Variants in NOS1AP observed in about 807,000 individuals in gnomAD.
The protein encoded by NOS1AP is carboxyl-terminal PDZ ligand of neuronal nitric oxide synthase protein.
Under a neutral mutation model 56.2 loss-of-function variants are expected in NOS1AP, and 21 were observed. The observed-to-expected ratio is 0.37, with a 90% confidence interval of 0.26 to 0.54. The LOEUF is 0.54. Ranked by LOEUF, NOS1AP falls within the 20% of genes least tolerant of loss-of-function variation. The probability of loss-of-function intolerance (pLI) is 0.84; values close to 1 mark genes in which losing one functional copy is unlikely to be tolerated. For missense variants in NOS1AP, 522 were observed against 657.8 expected (o/e 0.79, Z 2.26); for synonymous variants, 270 against 274.6 (o/e 0.98, Z 0.17).
rs112878525 is a variant in NOS1AP, at chr1:162,183,892, G to A, written c.177+29416G>A. Among the ~76,000 whole-genome samples the A allele has an allele frequency of 1.7e-3, 260 of 152,292 alleles. 1 individual carries two copies. The highest frequency in any genetic ancestry group is 6.1e-3 in the African/African-American group (254 of 41,564). Reference sequence around the variant, plus strand: ...TGCTTTGCTTTCTTATTATGCATGTGTTCACTGGAGTAGCACTTTTAATCT... The same window carrying A: ...TGCTTTGCTTTCTTATTATGCATGTATTCACTGGAGTAGCACTTTTAATCT... On this transcript the variant is annotated intron_variant, in intron 2 of 9. Transcript: ENST00000361897.
chr1:162,135,029 A>G (rs1348942601), intron 1 of NOS1AP, among the ~76,000 whole-genome samples: 1 of 152,068 alleles, frequency 6.6e-6, no homozygotes, highest in Non-Finnish European at 1.5e-5. Flanking sequence ...TATCCAACCA[A>G]CTATTTATCC....
At chr1:162,352,619 A>G (rs73029295) in intron 6 of NOS1AP, among the ~76,000 whole-genome samples, 5,598 of 152,174 alleles carry the variant, frequency 0.037, 332 homozygotes, top group African/African-American at 0.13. Context: ...GTGCCAGCCA[A>G]TTTGGTTCCT....
chr1:162,361,202 G>A (rs983849482), intron 8 of NOS1AP, among the ~76,000 whole-genome samples: 2 of 152,094 alleles, frequency 1.3e-5, no homozygotes, highest in South Asian at 4.1e-4. Flanking sequence ...ACACTAATTT[G>A]TACCTTTCCA....
intron 3 of NOS1AP, among the ~76,000 whole-genome samples, chr1:162,293,275 A>G (rs944131174): frequency 2.6e-5 from 4 of 151,820 alleles, no homozygotes; most frequent in African/African-American, 7.2e-5. Context: ...ATAATGCTGC[A>G]TGAATAATGG....
intron 2 of NOS1AP, among the ~76,000 whole-genome samples, chr1:162,286,498 C>A (rs1655092032): frequency 6.6e-6 from 1 of 152,152 alleles, no homozygotes; most frequent in South Asian, 2.1e-4. Flanking sequence ...AAATGAAGTT[C>A]ACTGAGGAAA....
At chr1:162,178,047 T>C (rs1038951234) in intron 2 of NOS1AP, among the ~76,000 whole-genome samples, 1 of 152,262 alleles carries the variant, frequency 6.6e-6, no homozygotes, top group Non-Finnish European at 1.5e-5. Flanking sequence ...CTTTTTACTG[T>C]CTATAATTTT....
chr1:162,201,907 T>G, intron 2 of NOS1AP, among the ~76,000 whole-genome samples: 1 of 152,250 alleles, frequency 6.6e-6, no homozygotes, highest in East Asian at 1.9e-4. Context: ...GTTGTCTGTT[T>G]ACTTTGTTGA....
chr1:162,346,062 G>A (rs937450699), intron 6 of NOS1AP, among the ~76,000 whole-genome samples: 1 of 152,210 alleles, frequency 6.6e-6, no homozygotes, highest in Non-Finnish European at 1.5e-5. Flanking sequence ...AAACCCAGAT[G>A]TGTTTGCAAA....
chr1:162,286,558 T>C (rs1655096119), intron 2 of NOS1AP, among the ~76,000 whole-genome samples: 1 of 152,164 alleles, frequency 6.6e-6, no homozygotes, highest in African/African-American at 2.4e-5. Flanking sequence ...TGTTAAGAGA[T>C]GGCTATGAAT....
chr1:162,355,597 C>T (rs1430944034), intron 7 of NOS1AP, among the ~76,000 whole-genome samples: 1 of 152,144 alleles, frequency 6.6e-6, no homozygotes, highest in African/African-American at 2.4e-5. Flanking sequence ...CAAATCCCAC[C>T]AATATTTGGT....
At chr1:162,172,985 A>T (rs139730006) in intron 2 of NOS1AP, among the ~76,000 whole-genome samples, 7 of 151,366 alleles carry the variant, frequency 4.6e-5, no homozygotes, top group African/African-American at 1.5e-4. Flanking sequence ...GTAGTGGCGC[A>T]ATCTTGGCTC....
intron 2 of NOS1AP, among the ~76,000 whole-genome samples, chr1:162,201,435 A>G (rs886473401): frequency 2.6e-5 from 4 of 152,224 alleles, no homozygotes; most frequent in Non-Finnish European, 5.9e-5. Context: ...TCTTTATGAT[A>G]GAACAATTTA....
chr1:162,364,679 T>C, intron 8 of NOS1AP: 1 of 985,534 alleles, frequency 1.0e-6, no homozygotes, highest in South Asian at 4.7e-5. Flanking sequence ...CATGAATCAG[T>C]CAGCAAATGT....
chr1:162,266,760 G>T (rs116570226), intron 2 of NOS1AP, among the ~76,000 whole-genome samples: 3,855 of 152,266 alleles, frequency 0.025, 69 homozygotes, highest in Non-Finnish European at 0.038. Context: ...CCTTAGAGAA[G>T]AACCTATCAA....
rs554901108 is a variant in NOS1AP, at chr1:162,211,537, G to A, written c.177+57061G>A. Among the ~76,000 whole-genome samples the A allele has an allele frequency of 2.8e-4, 43 of 152,144 alleles. No individual in the cohort carries two copies. In the East Asian group the frequency reaches 7.0e-3, roughly 25 times the overall value. On this transcript the variant is annotated intron_variant, in intron 2 of 9. Coordinates refer to ENST00000361897, the MANE Select transcript of NOS1AP (RefSeq NM_014697.3). ...TCAGTGCAGAATGTTGGTGGGGGAGGGACAATACAATCTATAGCACTTATT... is the reference window on the plus strand; with the variant it reads ...TCAGTGCAGAATGTTGGTGGGGGAGAGACAATACAATCTATAGCACTTATT...
chr1:162,194,437 T>C (rs577934545), intron 2 of NOS1AP, among the ~76,000 whole-genome samples: 1 of 152,294 alleles, frequency 6.6e-6, no homozygotes, highest in East Asian at 1.9e-4. Flanking sequence ...TTAAGTACCC[T>C]TCAGTGCTGG....
chr1:162,205,401 A>G (rs1259197251), intron 2 of NOS1AP, among the ~76,000 whole-genome samples: 1 of 152,230 alleles, frequency 6.6e-6, no homozygotes, highest in East Asian at 1.9e-4. Flanking sequence ...AAGACAAAGC[A>G]TTAAACATGA....
In NOS1AP at chr1:162,367,224, G is replaced by C. The variant is rs147677037; in HGVS notation, c.1278G>C (p.Val426=). 3.1e-6 allele frequency: 5 copies of C among 1,613,820 alleles called. No individual in the cohort carries two copies. Among genetic ancestry groups the C allele is most frequent in the Non-Finnish European group, 4.2e-6 (5 of 1,179,982 alleles). The change falls in exon 10 of 10, where the codon GTG becomes GTC. Residue 426 remains valine (V), a synonymous_variant. Transcript: ENST00000361897. This position sits in a 1 kb window ranked among gnomAD's most constrained non-coding sequence, Gnocchi z 6.5. ...CCTTAGGTAGGCGCGACTGCTTGGT[G>C]AAGCTGGAGTGCTTTCGCTTTCTTC... is the stretch of plus-strand genomic sequence containing the variant. The part of the protein sequence containing the change: ...GSPLGRRDCL[V]KLECFRFLPP...
chr1:162,345,092 A>G (rs1657240292), intron 6 of NOS1AP, among the ~76,000 whole-genome samples: 1 of 152,236 alleles, frequency 6.6e-6, no homozygotes, highest in South Asian at 2.1e-4. Flanking sequence ...TCAACATCAT[A>G]AAAATGTTAA....
Sources: gnomAD v4.1 joint callset for allele counts (sites outside exome capture counted in the v4.1 genomes callset) on GRCh38, gnomAD v4.1.1 for gene constraint, Gnocchi (gnomAD v3.1) non-coding constraint, MANE v1.5 for transcripts, NCBI Gene and HGNC (gene_info 2026-07-23, HGNC 2026-07-21) for gene names.